ENOX1: variants seen among roughly 807,000 people sequenced by gnomAD.
The protein encoded by ENOX1 is candidate growth-related and time keeping constitutive hydroquinone (NADH) oxidase.
A neutral mutation model predicts 82.5 loss-of-function variants in ENOX1; 42 were observed. The ratio of observed to expected loss-of-function variants is 0.51; its 90% CI spans 0.40 to 0.66. ENOX1 has a LOEUF of 0.66. Ranked by LOEUF, ENOX1 falls within the 30% of genes least tolerant of loss-of-function variation. The pLI is 0.00. For missense variants in ENOX1, 608 were observed against 811.6 expected (o/e 0.75, Z 3.05); for synonymous variants, 271 against 282.2 (o/e 0.96, Z 0.40).
Position 43,526,499 on chromosome 13 carries a change from A to G in ENOX1, c.-218-42347T>C, listed in dbSNP as rs559975191. Among the ~76,000 whole-genome samples, 38 of 152,310 alleles carry G rather than the reference A, an allele frequency of 2.5e-4. No individual in the cohort carries two copies. In the South Asian group the frequency reaches 7.9e-3, roughly 32 times the overall value. ...GCTTTCTAAAATACTGAAAAAAAAT[A>G]AAATTTTAATGTTCTTTGAACTAGA... On this transcript the variant is annotated intron_variant, in intron 2 of 16. Transcript: ENST00000690772.
chr13:43,689,947 C>T (rs1419478933), intron 1 of ENOX1, among the ~76,000 whole-genome samples: 1 of 152,172 alleles, frequency 6.6e-6, no homozygotes. Flanking sequence ...CTAGACTTCA[C>T]CCTGATAACA....
intron 2 of ENOX1, among the ~76,000 whole-genome samples, chr13:43,659,245 T>G (rs1352523514): frequency 1.3e-5 from 2 of 152,118 alleles, no homozygotes; most frequent in African/African-American, 4.8e-5. Flanking sequence ...TCCCAGCATT[T>G]TGGGGGGCAG....
chr13:43,478,623 T>C (rs948815425), intron 3 of ENOX1, among the ~76,000 whole-genome samples: 30 of 152,330 alleles, frequency 2.0e-4, no homozygotes, highest in African/African-American at 7.2e-4. Flanking sequence ...TCATGTAGTA[T>C]TCCTCATTTT....
At chr13:43,448,074 A>G (rs1451699752) in intron 3 of ENOX1, among the ~76,000 whole-genome samples, 1 of 152,236 alleles carries the variant, frequency 6.6e-6, no homozygotes, top group Non-Finnish European at 1.5e-5. Flanking sequence ...TAGCCACTGG[A>G]AACATTATTG....
chr13:43,341,498 A>C (rs1481281673), intron 9 of ENOX1, among the ~76,000 whole-genome samples: 1 of 152,130 alleles, frequency 6.6e-6, no homozygotes, highest in African/African-American at 2.4e-5. Flanking sequence ...TGATGGGCTC[A>C]GGGGGAAAGG....
chr13:43,462,340 G>T (rs1159255928), intron 3 of ENOX1, among the ~76,000 whole-genome samples: 1 of 152,168 alleles, frequency 6.6e-6, no homozygotes, highest in Non-Finnish European at 1.5e-5. Flanking sequence ...TATTCCAATA[G>T]CTGGTCTTCA....
chr13:43,332,864 G>A (rs548726167), intron 9 of ENOX1, among the ~76,000 whole-genome samples: 5 of 151,428 alleles, frequency 3.3e-5, no homozygotes, highest in African/African-American at 1.2e-4. Flanking sequence ...AAAAAGGGAC[G>A]ATATAAAAAA....
intron 14 of ENOX1, among the ~76,000 whole-genome samples, chr13:43,260,560 C>T (rs1384684680): frequency 6.6e-6 from 1 of 152,190 alleles, no homozygotes; most frequent in Non-Finnish European, 1.5e-5. Flanking sequence ...CCTGATCCTA[C>T]AGTTCTCCCT....
intron 16 of ENOX1, among the ~76,000 whole-genome samples, chr13:43,217,341 C>T (rs1439196919): frequency 1.3e-5 from 2 of 152,186 alleles, no homozygotes; most frequent in Admixed American, 6.5e-5. Context: ...TGCTGATGCT[C>T]GGGCACCCCC....
intron 11 of ENOX1, among the ~76,000 whole-genome samples, chr13:43,300,304 A>C (rs898047369): frequency 1.3e-5 from 2 of 152,218 alleles, no homozygotes; most frequent in Non-Finnish European, 2.9e-5. Context: ...TTGCTTTCAA[A>C]GGAAGAAAGG....
chr13:43,471,809 C>CAAAA (rs5803181), intron 3 of ENOX1, among the ~76,000 whole-genome samples: 29 of 124,386 alleles, frequency 2.3e-4, no homozygotes, highest in East Asian at 8.4e-4. Context: ...GACTCCGTCT[C>CAAAA]AAAAAAAAAA....
In ENOX1 at chr13:43,479,935, T is replaced by TTA. The variant is rs145974423; in HGVS notation, c.-75+4073_-75+4074insTA. Among the ~76,000 whole-genome samples, 52 of 68,898 alleles carry TTA rather than the reference T, an allele frequency of 7.5e-4. No homozygotes were observed. The East Asian group carries it at 0.072, about 95-fold the overall frequency. 45.2% of individuals were successfully genotyped at this position (68,898 alleles called of 152,430 possible). A position where few individuals can be genotyped will look rare whatever the true frequency, so the allele number is the denominator to read the frequency against. ...TAAACATTCTTTTATTTATTTTTAT[T>TTA]TTTATTTTTTTTTTTTTGAGACAGA... On this transcript the variant is annotated intron_variant, in intron 3 of 16. Transcript: ENST00000690772.
chr13:43,562,764 C>T (rs2079740115), intron 2 of ENOX1, among the ~76,000 whole-genome samples: 1 of 152,092 alleles, frequency 6.6e-6, no homozygotes, highest in Admixed American at 6.6e-5. Flanking sequence ...CCAGACAAAA[C>T]AGATTTCAAG....
chr13:43,743,745 C>T (rs991901936), intron 1 of ENOX1, among the ~76,000 whole-genome samples: 2 of 152,154 alleles, frequency 1.3e-5, no homozygotes, highest in Non-Finnish European at 2.9e-5. Flanking sequence ...GATTTAGCAG[C>T]TGTCTTAGTC....
At chr13:43,423,087 A>G (rs1315185408) in intron 3 of ENOX1, among the ~76,000 whole-genome samples, 1 of 152,182 alleles carries the variant, frequency 6.6e-6, no homozygotes, top group East Asian at 1.9e-4. Flanking sequence ...AAGTCTTTGT[A>G]TAGGCAGGTT....
chr13:43,292,634 A>C (rs1317509763), intron 12 of ENOX1, among the ~76,000 whole-genome samples: 1 of 148,054 alleles, frequency 6.8e-6, no homozygotes, highest in Non-Finnish European at 1.5e-5. Flanking sequence ...AAAAAAAAAA[A>C]CCCTATAAAA....
intron 2 of ENOX1, among the ~76,000 whole-genome samples, chr13:43,622,047 C>T (rs2082756371): frequency 6.6e-6 from 1 of 152,122 alleles, no homozygotes; most frequent in Non-Finnish European, 1.5e-5. Context: ...AATTCTATTG[C>T]TGAGACTTTC....
intron 14 of ENOX1, among the ~76,000 whole-genome samples, chr13:43,260,886 A>G (rs1466065738): frequency 6.6e-6 from 1 of 152,228 alleles, no homozygotes; most frequent in Non-Finnish European, 1.5e-5. Context: ...AAATTTGGTT[A>G]CACTTAAATG....
chr13:43,495,852 T>C (rs907200692), intron 2 of ENOX1, among the ~76,000 whole-genome samples: 1 of 151,968 alleles, frequency 6.6e-6, no homozygotes, highest in African/African-American at 2.4e-5. Flanking sequence ...AGCTCAGTCC[T>C]TTTATTTTTA....
Sources: gnomAD v4.1 joint callset for allele counts (sites outside exome capture counted in the v4.1 genomes callset) on GRCh38, gnomAD v4.1.1 for gene constraint, MANE v1.5 for transcripts, NCBI Gene and HGNC (gene_info 2026-07-23, HGNC 2026-07-21) for gene names.